Variants in MALT1 observed in about 807,000 individuals in gnomAD.
The protein encoded by MALT1 is MALT1 paracaspase.
A neutral mutation model predicts 85.5 loss-of-function variants in MALT1; 36 were observed. The ratio of observed to expected loss-of-function variants is 0.42; its 90% CI spans 0.32 to 0.56. The LOEUF is 0.56. MALT1 is among the 20% of genes least tolerant of loss of function. MALT1 has a pLI of 0.10. For missense variants in MALT1, 716 were observed against 981.6 expected (o/e 0.73, Z 3.62); for synonymous variants, 359 against 361.3 (o/e 0.99, Z 0.07).
At position 58,700,570 on chromosome 18, in the gene MALT1, G is replaced by A. The variant is rs775236927; in HGVS notation, c.628G>A (p.Asp210Asn). The A allele has an allele frequency of 6.8e-6, 11 of 1,607,408 alleles. No homozygotes were observed. Among genetic ancestry groups the A allele is most frequent in the Admixed American group, 3.4e-5 (2 of 58,456 alleles). The change falls in exon 4 of 17, where the codon GAC becomes AAC. Residue 210 changes from aspartate (D) to asparagine (N), a missense_variant. Physicochemically the swap from Asp to Asn is conservative, Grantham distance 23. Transcript: ENST00000649217. ...CCAGTGGTCACAGCTGGATGTTTGC[G>A]ACATCCCAGAGAGCTTCCAGAGTAA... is the stretch of plus-strand genomic sequence containing the variant. The part of the protein sequence containing the change: ...FSQWSQLDVC[D>N]IPESFQRSVD...
At chr18:58,727,616 GTT>G (rs751434443) in intron 10 of MALT1, among the ~76,000 whole-genome samples, 1 of 121,264 alleles carries the variant, frequency 8.2e-6, no homozygotes, top group Non-Finnish European at 1.7e-5. Flanking sequence ...GGTTTTTTGT[GTT>G]TTTTTTTTTG....
At chr18:58,695,298 C>T (rs2054571631) in intron 2 of MALT1, among the ~76,000 whole-genome samples, 1 of 152,204 alleles carries the variant, frequency 6.6e-6, no homozygotes, top group African/African-American at 2.4e-5. Flanking sequence ...CCTGAATGGC[C>T]TCCTGCCACA....
chr18:58,714,066 C>T lies in MALT1; in HGVS notation c.959-17C>T, dbSNP rs2144399095. The T allele has an allele frequency of 8.6e-7, 1 of 1,166,280 alleles. No individual in the cohort carries two copies. Among genetic ancestry groups the T allele is most frequent in the Non-Finnish European group, 1.3e-6 (1 of 793,612 alleles). 72.2% of individuals were successfully genotyped at this position (1,166,280 alleles called of 1,614,324 possible). On this transcript the variant is annotated splice_polypyrimidine_tract_variant and intron_variant, in intron 7 of 16. Coordinates refer to ENST00000649217, the MANE Select transcript of MALT1 (RefSeq NM_006785.4). ...GTGTTTAGATTACTTAATCTATTTT[C>T]TCTTACTTTGTTTTAGATGAATTAA...
chr18:58,698,963 C>T (rs572400090), intron 3 of MALT1, among the ~76,000 whole-genome samples: 3 of 152,068 alleles, frequency 2.0e-5, no homozygotes, highest in Non-Finnish European at 2.9e-5. Context: ...TAAAAGCTGC[C>T]CCACGAGGGA....
At position 58,748,145 on chromosome 18, in the gene MALT1, G is replaced by T; in HGVS notation, c.*303G>T. On this transcript the variant is annotated 3_prime_UTR_variant, in exon 17 of 17. Transcript: ENST00000649217. Reference sequence around the variant, plus strand: ...TGACCACTCTGAAGTAAGAGCAATGGGAATGGCATTATTGTAGAATAAGTC... The same window carrying T: ...TGACCACTCTGAAGTAAGAGCAATGTGAATGGCATTATTGTAGAATAAGTC... The T allele has an allele frequency of 3.0e-6, 1 of 334,634 alleles. No homozygotes were observed. The highest frequency in any genetic ancestry group is 5.5e-6 in the Non-Finnish European group (1 of 180,590). 20.7% of individuals were successfully genotyped at this position (334,634 alleles called of 1,614,324 possible).
chr18:58,739,455 C>T (rs962472192), intron 13 of MALT1, among the ~76,000 whole-genome samples: 2 of 152,128 alleles, frequency 1.3e-5, no homozygotes, highest in African/African-American at 4.8e-5. Flanking sequence ...TCAACTTTTG[C>T]CAGGCCTCAG....
intron 13 of MALT1, among the ~76,000 whole-genome samples, chr18:58,737,479 CA>C (rs778635527): frequency 0.25 from 25,105 of 102,396 alleles, 2,658 homozygotes; most frequent in African/African-American, 0.39. Context: ...AGCCCCATCT[CA>C]AAAAAAAAAA....
At chr18:58,734,610 G>A in intron 12 of MALT1, 1 of 470,776 alleles carries the variant, frequency 2.1e-6, no homozygotes, top group South Asian at 3.9e-5. Context: ...TTTGATTATA[G>A]ATTAGAGGCC....
At chr18:58,713,554 G>A (rs1423594193) in intron 7 of MALT1, among the ~76,000 whole-genome samples, 2 of 152,152 alleles carry the variant, frequency 1.3e-5, no homozygotes, top group African/African-American at 2.4e-5. Flanking sequence ...GTTGTAATGT[G>A]AGATCCTGAA....
At chr18:58,688,604 A>G (rs2054446674) in intron 2 of MALT1, among the ~76,000 whole-genome samples, 1 of 152,004 alleles carries the variant, frequency 6.6e-6, no homozygotes, top group African/African-American at 2.4e-5. Flanking sequence ...TCCCATACAA[A>G]GGAAGGATAA....
chr18:58,734,220 T>C (rs1299399160), intron 11 of MALT1, 87 bp from the exon 12 acceptor site: 1 of 1,131,088 alleles, frequency 8.8e-7, no homozygotes, highest in African/African-American at 1.6e-5. Context: ...TAAAAAACTG[T>C]TGTATTTTCT....
At chr18:58,687,975 T>C (rs905108360) in intron 2 of MALT1, among the ~76,000 whole-genome samples, 4 of 152,368 alleles carry the variant, frequency 2.6e-5, no homozygotes, top group South Asian at 2.1e-4. Context: ...CTGAAAAATA[T>C]GCTTGTTTAC....
intron 1 of MALT1, among the ~76,000 whole-genome samples, chr18:58,675,837 C>T: frequency 6.6e-6 from 1 of 152,204 alleles, no homozygotes; most frequent in South Asian, 2.1e-4. Flanking sequence ...CGTATGTAAA[C>T]ACTTGTTTGC....
chr18:58,732,835 T>A (rs899493162), intron 10 of MALT1, among the ~76,000 whole-genome samples: 4 of 151,936 alleles, frequency 2.6e-5, no homozygotes, highest in African/African-American at 7.3e-5. Context: ...ATTTTATAAA[T>A]TAGGATATAC....
At chr18:58,680,929 CAAAAAAA>C (rs1165265799) in intron 1 of MALT1, among the ~76,000 whole-genome samples, 10 of 67,230 alleles carry the variant, frequency 1.5e-4, no homozygotes, top group South Asian at 6.9e-4. Flanking sequence ...GACTCCGTCT[CAAAAAAA>C]AAAAAAAAAA....
intron 10 of MALT1, among the ~76,000 whole-genome samples, chr18:58,731,380 C>T (rs942077481): frequency 3.3e-5 from 5 of 152,310 alleles, no homozygotes; most frequent in African/African-American, 1.2e-4. Context: ...ACCTGATCTT[C>T]GTGGTTTATT....
intron 9 of MALT1, among the ~76,000 whole-genome samples, chr18:58,721,348 C>A (rs1024037281): frequency 2.0e-5 from 3 of 152,156 alleles, no homozygotes; most frequent in Non-Finnish European, 4.4e-5. Flanking sequence ...CCATTGCACT[C>A]CAGCCTGGGC....
intron 2 of MALT1, among the ~76,000 whole-genome samples, chr18:58,687,900 C>T (rs1459047614): frequency 1.3e-5 from 2 of 152,172 alleles, no homozygotes; most frequent in Non-Finnish European, 1.5e-5. Context: ...TCCATCGTAC[C>T]TAGTCACATT....
At chr18:58,745,589 A>C (rs1478805541) in intron 15 of MALT1, 77 bp from the exon 16 acceptor site, 2 of 1,308,980 alleles carry the variant, frequency 1.5e-6, no homozygotes, top group Non-Finnish European at 2.2e-6. Context: ...GTATCAGTTA[A>C]GATGTCTTAT....
Sources: allele counts gnomAD v4.1 joint callset (sites outside exome capture counted in the v4.1 genomes callset), GRCh38; gene constraint gnomAD v4.1.1; transcripts MANE v1.5; gene names NCBI Gene and HGNC (gene_info 2026-07-23, HGNC 2026-07-21).